IRF2BPL: variants seen among roughly 807,000 people sequenced by gnomAD.
IRF2BPL encodes the protein probable E3 ubiquitin-protein ligase IRF2BPL.
A neutral mutation model predicts 51.2 loss-of-function variants in IRF2BPL; 13 were observed. That is an observed-to-expected ratio of 0.25 (90% confidence interval 0.17 to 0.40). IRF2BPL has a LOEUF of 0.40. Ranked by LOEUF, IRF2BPL falls within the 10% of genes least tolerant of loss-of-function variation. The probability of loss-of-function intolerance (pLI) is 1.00; values close to 1 mark genes in which losing one functional copy is unlikely to be tolerated. For missense variants in IRF2BPL, 1,210 were observed against 1,111.8 expected, an observed-to-expected ratio of 1.09 and a Z score of -1.26; for synonymous variants, 768 against 509.2, an observed-to-expected ratio of 1.51 and a Z score of -6.84.
rs773233864 is a variant in IRF2BPL at position 77,026,831 on chromosome 14, G to C, written c.962C>G (p.Ala321Gly). The change falls in exon 1 of 1, where the codon GCA (alanine) becomes GGA (glycine). Residue 321 changes from alanine (A) to glycine (G), a missense_variant. Coordinates refer to ENST00000238647, the MANE Select transcript of IRF2BPL (RefSeq NM_024496.4). ...SASSSTSSSV[A>G]EVGVGAGGKR... ...ACCACCAGCACCCACGCCCACCTCT[G>C]CCACCGACGAAGAGGTCGAAGACGA... 2 of 1,611,584 alleles carry C rather than the reference G, an allele frequency of 1.2e-6. No homozygotes were observed. The highest frequency in any genetic ancestry group is 1.7e-6 in the Non-Finnish European group (2 of 1,179,262).
Position 77,028,064 on chromosome 14 carries a change from C to G in IRF2BPL, c.-272G>C. On this transcript the variant is annotated 5_prime_UTR_variant, in exon 1 of 1. Transcript: ENST00000238647. Reference sequence around the variant, plus strand: ...CGGTTGACTCGTCGCGAGGGGAGCTCAGGCGCCTTCTTCCTGGTGCTGCAG... The same window carrying G: ...CGGTTGACTCGTCGCGAGGGGAGCTGAGGCGCCTTCTTCCTGGTGCTGCAG... 1 of 373,996 alleles carries G rather than the reference C, an allele frequency of 2.7e-6. No homozygotes were observed. Among genetic ancestry groups the G allele is most frequent in the Non-Finnish European group, 5.0e-6 (1 of 201,886 alleles). 23.2% of individuals were successfully genotyped at this position (373,996 alleles called of 1,614,324 possible).
rs1885205937 is a variant in IRF2BPL at position 77,027,856 on chromosome 14, G to A, written c.-64C>T. 2 of 1,427,224 alleles carry A rather than the reference G, an allele frequency of 1.4e-6. No homozygotes were observed. The highest frequency in any genetic ancestry group is 2.5e-5 in the Admixed American group (1 of 39,876). 88.4% of individuals were successfully genotyped at this position (1,427,224 alleles called of 1,614,324 possible). On this transcript the variant is annotated 5_prime_UTR_variant, in exon 1 of 1. Transcript: ENST00000238647. ...GTCTCCGCGGCGCCTTCTCCTCCGGGAGGACTGGCCGGCTGGGGAGGGAGT... is the reference window on the plus strand; with the variant it reads ...GTCTCCGCGGCGCCTTCTCCTCCGGAAGGACTGGCCGGCTGGGGAGGGAGT...
rs1408655005 is a variant in IRF2BPL at position 77,025,358 on chromosome 14, G to A, written c.*44C>T. 1.4e-6 allele frequency: 2 copies of A among 1,407,852 alleles called. No homozygotes were observed. The highest frequency in any genetic ancestry group is 1.4e-5 in the African/African-American group (1 of 69,546). 87.2% of individuals were successfully genotyped at this position (1,407,852 alleles called of 1,614,324 possible). A position where few individuals can be genotyped will look rare whatever the true frequency, so the allele number is the denominator to read the frequency against. ...GGTTGGGGGAGGGGCCCTCAGGATT[G>A]GAGAGGAGCTGGTCTAGGGCAAAGG... On this transcript the variant is annotated 3_prime_UTR_variant, in exon 1 of 1. Coordinates refer to ENST00000238647, the MANE Select transcript of IRF2BPL (RefSeq NM_024496.4).
Position 77,027,893 on chromosome 14 carries a change from G to T in IRF2BPL, c.-101C>A. On this transcript the variant is annotated 5_prime_UTR_variant, in exon 1 of 1. Transcript: ENST00000238647. Reference sequence around the variant, plus strand: ...GCTGGGGAGGGAGTCCGACTGCGGGGGAGGGAGGAGGGGGGGCGAGAAAGT... The same window carrying T: ...GCTGGGGAGGGAGTCCGACTGCGGGTGAGGGAGGAGGGGGGGCGAGAAAGT... The T allele has an allele frequency of 2.2e-6, 3 of 1,343,058 alleles. No individual in the cohort carries two copies. In the South Asian group the frequency reaches 4.8e-5, roughly 21 times the overall value. The allele number at this position is 1,343,058 out of a possible 1,614,324, so 83.2% of individuals were successfully genotyped here. A position where few individuals can be genotyped will look rare whatever the true frequency, so the allele number is the denominator to read the frequency against.
Position 77,026,477 on chromosome 14 carries a change from T to C in IRF2BPL, c.1316A>G (p.Lys439Arg), listed in dbSNP as rs753343165. Reference sequence around the variant, plus strand: ...CTTCATGCAGTCCTGATACATCTGCTTGGCCACACCAGATGCACTGGAGTA... The same window carrying C: ...CTTCATGCAGTCCTGATACATCTGCCTGGCCACACCAGATGCACTGGAGTA... ...NVYSSASGVA[K>R]QMYQDCMKDF... Residue 439 changes from lysine to arginine, a missense_variant, in exon 1 of 1, where the codon AAG becomes AGG. Coordinates refer to ENST00000238647, the MANE Select transcript of IRF2BPL (RefSeq NM_024496.4). The C allele has an allele frequency of 1.9e-6, 3 of 1,613,494 alleles. No homozygotes were observed. Among genetic ancestry groups the C allele is most frequent in the Admixed American group, 1.7e-5 (1 of 60,006 alleles).
At position 77,026,155 on chromosome 14, in the gene IRF2BPL, G is replaced by A. The variant is rs780509235; in HGVS notation, c.1638C>T (p.Ala546=). 2.0e-6 allele frequency: 3 copies of A among 1,513,036 alleles called. No individual in the cohort carries two copies. Among genetic ancestry groups the A allele is most frequent in the African/African-American group, 2.8e-5 (2 of 70,638 alleles). 93.7% of individuals were successfully genotyped at this position (1,513,036 alleles called of 1,614,324 possible). A position where few individuals can be genotyped will look rare whatever the true frequency, so the allele number is the denominator to read the frequency against. Residue 546 remains alanine (A), a synonymous_variant, in exon 1 of 1, where the codon GCC becomes GCT. Transcript: ENST00000238647. The part of the protein sequence containing the change: ...GAAASLRKRK[A]SPEPPDSAEG... ...CGGCTGAGTCCGGGGGCTCCGGAGA[G>A]GCCTTTCTCTTGCGCAGGCTGGCGG... is the stretch of plus-strand genomic sequence containing the variant.
rs371799520 is a variant in IRF2BPL at position 77,027,067 on chromosome 14, C to T, written c.726G>A (p.Pro242=). ...TGAGCTGGGGGCCTCCGCCACCCCC[C>T]GGGTTGGGCAGCCCCGTAACCAGCC... ...HGGLVTGLPN[P]GGGGGPQLTV... Residue 242 remains proline, a synonymous_variant, in exon 1 of 1, where the codon CCG becomes CCA. Coordinates refer to ENST00000238647, the MANE Select transcript of IRF2BPL (RefSeq NM_024496.4). 100 of 1,592,166 alleles carry T rather than the reference C, an allele frequency of 6.3e-5. No individual in the cohort carries two copies. In the African/African-American group the frequency reaches 1.1e-3, roughly 18 times the overall value.
rs1885109847 is a variant in IRF2BPL, at chr14:77,026,185, G to A, written c.1608C>T (p.Gly536=). The stretch of plus-strand genomic sequence containing the variant: ...TTCTCTTGCGCAGGCTGGCGGCTGC[G>A]CCCCGGCCCGACGGCGCGGCGGGCG... ...ALPPAAPSGR[G]AAASLRKRKA... is the part of the protein sequence containing the mutation. Residue 536 remains glycine (G), a synonymous_variant, in exon 1 of 1, where the codon GGC becomes GGT. Transcript: ENST00000238647. 7.1e-7 allele frequency: 1 copy of A among 1,399,802 alleles called. No homozygotes were observed. Among genetic ancestry groups the A allele is most frequent in the South Asian group, 1.6e-5 (1 of 63,190 alleles). The allele number at this position is 1,399,802 out of a possible 1,614,324, so 86.7% of individuals were successfully genotyped here. A position where few individuals can be genotyped will look rare whatever the true frequency, so the allele number is the denominator to read the frequency against.
chr14:77,025,983 C>G lies in IRF2BPL; in HGVS notation c.1810G>C (p.Gly604Arg). ...GGGGTGGTCCGGTTGGAATGGGGTC[C>G]CAGAGGTGGGGGCGGCGGAGGCGGA... ...GGPPPPPPPL[G>R]PHSNRTTPPE... The change falls in exon 1 of 1, where the codon GGA (glycine) becomes CGA (arginine). Residue 604 changes from glycine (G) to arginine (R), a missense_variant. Transcript: ENST00000238647. 1 of 1,588,730 alleles carries G rather than the reference C, an allele frequency of 6.3e-7. No homozygotes were observed.
rs1036528025 is a variant in IRF2BPL, at chr14:77,027,021, G to A, written c.772C>T (p.Pro258Ser). The part of the protein sequence containing the change: ...PQLTVPPNLL[P>S]QTLLNGPASA... ...GCCGGGCCGTTAAGCAGCGTCTGCG[G>A]TAGCAGGTTGGGGGGCACGGTGAGC... is the stretch of plus-strand genomic sequence containing the variant. Residue 258 changes from proline (P) to serine (S), a missense_variant, in exon 1 of 1, where the codon CCG becomes TCG. Pro to Ser is a moderately conservative substitution (Grantham distance 74). Coordinates refer to ENST00000238647, the MANE Select transcript of IRF2BPL (RefSeq NM_024496.4). The A allele has an allele frequency of 7.2e-6, 11 of 1,529,770 alleles. No individual in the cohort carries two copies. The East Asian group carries it at 1.5e-4, about 20-fold the overall frequency. 94.8% of individuals were successfully genotyped at this position (1,529,770 alleles called of 1,614,324 possible).
rs1207432956 is a variant in IRF2BPL, at chr14:77,025,267, C to T, written c.*135G>A. 1.1e-5 allele frequency: 6 copies of T among 553,620 alleles called. No homozygotes were observed. The highest frequency in any genetic ancestry group is 1.9e-5 in the Non-Finnish European group (6 of 324,198). The allele number at this position is 553,620 out of a possible 1,614,324, so 34.3% of individuals were successfully genotyped here. On this transcript the variant is annotated 3_prime_UTR_variant, in exon 1 of 1. Coordinates refer to ENST00000238647, the MANE Select transcript of IRF2BPL (RefSeq NM_024496.4). ...AAATAATGTCTATACATAAGACTAA[C>T]TTTTTGCAGTTTCGTTATATTCACA...
At position 77,024,913 on chromosome 14, in the gene IRF2BPL, C is replaced by CTTTTTTTTTTTTT; in HGVS notation, c.*488_*489insAAAAAAAAAAAAA. The CTTTTTTTTTTTTT allele has an allele frequency of 1.3e-5, 1 of 77,006 alleles. No individual in the cohort carries two copies. Among genetic ancestry groups the CTTTTTTTTTTTTT allele is most frequent in the Non-Finnish European group, 2.2e-5 (1 of 45,534 alleles). 4.8% of individuals were successfully genotyped at this position (77,006 alleles called of 1,614,324 possible). A position where few individuals can be genotyped will look rare whatever the true frequency, so the allele number is the denominator to read the frequency against. ...GAAGGAAGCTTTCACCATTTTATAG[C>CTTTTTTTTTTTTT]ATTTTTTTTTTTTTTTTTTTTTTTT... On this transcript the variant is annotated 3_prime_UTR_variant, in exon 1 of 1. Coordinates refer to ENST00000238647, the MANE Select transcript of IRF2BPL (RefSeq NM_024496.4).
chr14:77,026,764 C>G lies in IRF2BPL; in HGVS notation c.1029G>C (p.Glu343Asp). The change falls in exon 1 of 1, where the codon GAG becomes GAC. Residue 343 changes from glutamate to aspartate, a missense_variant. By Grantham distance (45) the Glu-to-Asp change is conservative. Transcript: ENST00000238647. ...CGGCGTTGCGCTGCTTCTCCTTCAA[C>G]TCGCGCTCCTGGTCTGTGCTCGACA... ...GSVSSTDQER[E>D]LKEKQRNAEA... 1.2e-6 allele frequency: 2 copies of G among 1,612,624 alleles called. No homozygotes were observed. Among genetic ancestry groups the G allele is most frequent in the South Asian group, 2.2e-5 (2 of 91,074 alleles).
rs773607710 is a variant in IRF2BPL, at chr14:77,025,717, C to A, written c.2076G>T (p.Pro692=). The stretch of plus-strand genomic sequence containing the variant: ...TTTGGGGGTGCACTTGGTCCATGCC[C>A]GGGTGGGCGCTAGGCGGCGGGGGCG... The part of the protein sequence containing the change: ...QVAPPPPSAH[P]GMDQVHPQNI... The change falls in exon 1 of 1, where the codon CCG becomes CCT. Residue 692 remains proline, a synonymous_variant. Coordinates refer to ENST00000238647, the MANE Select transcript of IRF2BPL (RefSeq NM_024496.4). 1 of 1,572,614 alleles carries A rather than the reference C, an allele frequency of 6.4e-7. No individual in the cohort carries two copies. The highest frequency in any genetic ancestry group is 8.6e-7 in the Non-Finnish European group (1 of 1,157,966).
At position 77,026,211 on chromosome 14, in the gene IRF2BPL, G is replaced by A. The variant is rs1885111337; in HGVS notation, c.1582C>T (p.Pro528Ser). 5.0e-6 allele frequency: 7 copies of A among 1,389,446 alleles called. No homozygotes were observed. Among genetic ancestry groups the A allele is most frequent in the Non-Finnish European group, 6.5e-6 (7 of 1,078,834 alleles). The allele number at this position is 1,389,446 out of a possible 1,614,324, so 86.1% of individuals were successfully genotyped here. The change falls in exon 1 of 1, where the codon CCG (proline) becomes TCG (serine). Residue 528 changes from proline to serine, a missense_variant. Transcript: ENST00000238647. The stretch of plus-strand genomic sequence containing the variant: ...CCCCGGCCCGACGGCGCGGCGGGCG[G>A]CAAGGCCCCGGTCCCCGGGGGTGCG... ...PSAPPGTGAL[P>S]PAAPSGRGAA...
chr14:77,025,882 C>G lies in IRF2BPL; in HGVS notation c.1911G>C (p.Ala637=). Residue 637 remains alanine (A), a synonymous_variant, in exon 1 of 1, where the codon GCG becomes GCC. Coordinates refer to ENST00000238647, the MANE Select transcript of IRF2BPL (RefSeq NM_024496.4). ...CGGAACTGCCATCCTTGGGCGAGTG[C>G]GCTGTGCCCAGAGTATCTGCCACCG... ...LMSVADTLGT[A]HSPKDGSSVH... is the part of the protein sequence containing the mutation. 1.2e-6 allele frequency: 2 copies of G among 1,612,254 alleles called. No individual in the cohort carries two copies. The highest frequency in any genetic ancestry group is 1.7e-6 in the Non-Finnish European group (2 of 1,179,688).
Position 77,025,505 on chromosome 14 carries a change from T to C in IRF2BPL, c.2288A>G (p.Lys763Arg). ...TACATTCGACCCGACTAGGGGGCAT[T>C]TCTCTCCGCTGGGGCAATACACCTC... ...TGEVYCPSGE[K>R]CPLVGSNVPW... Residue 763 changes from lysine to arginine, a missense_variant, in exon 1 of 1, where the codon AAA becomes AGA. Coordinates refer to ENST00000238647, the MANE Select transcript of IRF2BPL (RefSeq NM_024496.4). 1.9e-6 allele frequency: 3 copies of C among 1,613,932 alleles called. No individual in the cohort carries two copies. The South Asian group carries it at 3.3e-5, about 18-fold the overall frequency.
At position 77,027,047 on chromosome 14, in the gene IRF2BPL, T is replaced by G; in HGVS notation, c.746A>C (p.Gln249Pro). ...TAGCAGGTTGGGGGGCACGGTGAGC[T>G]GGGGGCCTCCGCCACCCCCCGGGTT... ...LPNPGGGGGP[Q>P]LTVPPNLLPQ... is the part of the protein sequence containing the mutation. The change falls in exon 1 of 1, where the codon CAG becomes CCG. Residue 249 changes from glutamine (Q) to proline (P), a missense_variant. Transcript: ENST00000238647. The G allele has an allele frequency of 1.3e-6, 2 of 1,561,098 alleles. No individual in the cohort carries two copies. The highest frequency in any genetic ancestry group is 1.7e-6 in the Non-Finnish European group (2 of 1,155,218).
In IRF2BPL at chr14:77,026,936, G is replaced by A. The variant is rs1455073722; in HGVS notation, c.857C>T (p.Thr286Met). 21 of 1,468,514 alleles carry A rather than the reference G, an allele frequency of 1.4e-5. No homozygotes were observed. The highest frequency in any genetic ancestry group is 1.9e-5 in the Non-Finnish European group (21 of 1,111,294). The allele number at this position is 1,468,514 out of a possible 1,614,324, so 91.0% of individuals were successfully genotyped here. A position where few individuals can be genotyped will look rare whatever the true frequency, so the allele number is the denominator to read the frequency against. ...PHALGSRGPP[T>M]PAPPGAPGGP... ...CCCAGGAGCCCCTGGGGGAGCAGGC[G>A]TCGGGGGCCCACGGCTGCCCAGGGC... is the stretch of plus-strand genomic sequence containing the variant. The change falls in exon 1 of 1, where the codon ACG (threonine) becomes ATG (methionine). Residue 286 changes from threonine (T) to methionine (M), a missense_variant. Coordinates refer to ENST00000238647, the MANE Select transcript of IRF2BPL (RefSeq NM_024496.4).
Sources: gnomAD v4.1 joint callset for allele counts on GRCh38, gnomAD v4.1.1 for gene constraint, MANE v1.5 for transcripts, NCBI Gene and HGNC (gene_info 2026-07-23, HGNC 2026-07-21) for gene names.